Variants in C12orf43 observed in about 807,000 individuals in gnomAD.
C12orf43 encodes chromosome 12 open reading frame 43, also known as protein CUSTOS.
A neutral mutation model predicts 20.6 loss-of-function variants in C12orf43; 15 were observed. The observed-to-expected ratio is 0.73, with a 90% confidence interval of 0.49 to 1.12. The LOEUF (loss-of-function observed/expected upper bound fraction) is 1.12, where lower values mean the gene tolerates loss of function less well. Among genes scored for constraint, C12orf43 ranks in the 50% most tolerant of loss-of-function variants. C12orf43 has a pLI of 0.00. For missense variants in C12orf43, 334 were observed against 344.4 expected (o/e 0.97, Z 0.24); for synonymous variants, 144 against 130.8 (o/e 1.10, Z -0.69).
chr12:121,001,281 C>A lies in C12orf43; in HGVS notation c.*2872G>T, dbSNP rs562238054. On this transcript the variant is annotated 3_prime_UTR_variant, in exon 6 of 6. Coordinates refer to ENST00000288757, the MANE Select transcript of C12orf43 (RefSeq NM_022895.3). Reference sequence around the variant, plus strand: ...CCCTGCCTGGAGGACCTGAGCCTGCCGAGCAACCGTGGCCCTTCCTGGACA... The same window carrying A: ...CCCTGCCTGGAGGACCTGAGCCTGCAGAGCAACCGTGGCCCTTCCTGGACA... The A allele has an allele frequency of 7.6e-5, 115 of 1,513,040 alleles. 1 individual carries two copies. In the East Asian group the frequency reaches 2.2e-3, roughly 28 times the overall value. 93.7% of individuals were successfully genotyped at this position (1,513,040 alleles called of 1,614,324 possible). A position where few individuals can be genotyped will look rare whatever the true frequency, so the allele number is the denominator to read the frequency against.
chr12:121,010,025 G>A (rs1048037625), intron 3 of C12orf43, among the ~76,000 whole-genome samples: 3 of 152,192 alleles, frequency 2.0e-5, no homozygotes, highest in Admixed American at 1.3e-4. Context: ...GGCTTGGCCC[G>A]GCACAGTGGC....
In C12orf43 at chr12:121,004,099, T is replaced by G. The variant is rs1592905940; in HGVS notation, c.*54A>C. 6.4e-7 allele frequency: 1 copy of G among 1,559,694 alleles called. No homozygotes were observed. Among genetic ancestry groups the G allele is most frequent in the Non-Finnish European group, 8.8e-7 (1 of 1,130,724 alleles). The stretch of plus-strand genomic sequence containing the variant: ...GCTTGGAAATGCCTTGTCCCCAGGG[T>G]GGGGGGGACACCTTGTCCTTGGAGC... On this transcript the variant is annotated 3_prime_UTR_variant, in exon 6 of 6. Coordinates refer to ENST00000288757, the MANE Select transcript of C12orf43 (RefSeq NM_022895.3). The surrounding 1 kb of genome is among the most constrained non-coding windows in gnomAD (Gnocchi z 5.6).
intron 2 of C12orf43, 69 bp from the exon 3 acceptor site, chr12:121,010,995 T>C (rs755786668): frequency 1.3e-6 from 2 of 1,592,948 alleles, no homozygotes; most frequent in South Asian, 1.1e-5. Context: ...ACAGGGACCA[T>C]GTGTGTCTTG....
Position 121,012,615 on chromosome 12 carries a change from G to A in C12orf43, c.146-1469C>T. The A allele has an allele frequency of 8.5e-6, 5 of 588,878 alleles. No individual in the cohort carries two copies. In the South Asian group the frequency reaches 8.7e-5, roughly 10 times the overall value. 36.5% of individuals were successfully genotyped at this position (588,878 alleles called of 1,614,324 possible). On this transcript the variant is annotated intron_variant, in intron 1 of 5. Transcript: ENST00000288757. ...CGCCTGTAATCCCAGCACTTTGGGA[G>A]GCTGAGGCAGGCGGATCACGAGGTC...
At chr12:121,012,580 C>T (rs1045649381) in intron 1 of C12orf43, 32 of 672,236 alleles carry the variant, frequency 4.8e-5, no homozygotes, top group East Asian at 4.7e-4. Context: ...AGGCCGGGCG[C>T]GGTGGCTCAC....
rs1877558866 is a variant in C12orf43, at chr12:121,002,382, T to C, written c.*1771A>G. ...CTGCTGCTGAGAACCTGGCCTTCAG[T>C]GTACCGCGTCTACCCTGGGATTCAG... is the stretch of plus-strand genomic sequence containing the variant. On this transcript the variant is annotated 3_prime_UTR_variant, in exon 6 of 6. Transcript: ENST00000288757. The C allele has an allele frequency of 3.9e-6, 2 of 513,680 alleles. No individual in the cohort carries two copies. The highest frequency in any genetic ancestry group is 7.5e-6 in the Non-Finnish European group (2 of 267,376). The allele number at this position is 513,680 out of a possible 1,614,324, so 31.8% of individuals were successfully genotyped here. A position where few individuals can be genotyped will look rare whatever the true frequency, so the allele number is the denominator to read the frequency against.
In C12orf43 at chr12:121,005,014, G is replaced by A. The variant is rs1877868890; in HGVS notation, c.441C>T (p.Pro147=). Residue 147 remains proline, a synonymous_variant, in exon 5 of 6, where the codon CCC becomes CCT. Coordinates refer to ENST00000288757, the MANE Select transcript of C12orf43 (RefSeq NM_022895.3). This position sits in a 1 kb window ranked among gnomAD's most constrained non-coding sequence, Gnocchi z 5.6. ...ESPQPRRKRQ[P]SSSSEDSDEE... ...GTGTGAGTTCTCACCTGGAGCTGGA[G>A]GGCTGTCGCTTTCGGCGGGGTTGGG... 3 of 1,541,734 alleles carry A rather than the reference G, an allele frequency of 1.9e-6. No homozygotes were observed. Among genetic ancestry groups the A allele is most frequent in the East Asian group, 4.8e-5 (2 of 41,940 alleles).
chr12:121,008,427 G>A (rs1251912813), intron 3 of C12orf43, among the ~76,000 whole-genome samples: 3 of 152,204 alleles, frequency 2.0e-5, no homozygotes, highest in East Asian at 1.9e-4. Flanking sequence ...GAGCTGCCAC[G>A]CCTGGCCTAA....
At chr12:121,008,375 T>C (rs1324137393) in intron 3 of C12orf43, among the ~76,000 whole-genome samples, 1 of 152,192 alleles carries the variant, frequency 6.6e-6, no homozygotes, top group Non-Finnish European at 1.5e-5. Flanking sequence ...CCTCAAATGA[T>C]CCACCCGCTT....
Position 121,005,227 on chromosome 12 carries a change from CA to C in C12orf43, c.362-135del, listed in dbSNP as rs1056397271. 1.6e-3 allele frequency: 681 copies of C among 436,526 alleles called. No individual in the cohort carries two copies. The highest frequency in any genetic ancestry group is 2.3e-3 in the East Asian group (56 of 24,736). 27.0% of individuals were successfully genotyped at this position (436,526 alleles called of 1,614,324 possible). On this transcript the variant is annotated intron_variant, in intron 4 of 5. Transcript: ENST00000288757. This position sits in a 1 kb window ranked among gnomAD's most constrained non-coding sequence, Gnocchi z 5.6. The stretch of plus-strand genomic sequence containing the variant: ...GAAAGAAAGAAAAGATAAAGAGAAA[CA>C]AAAAAAAAATTTTAAGAAGACACAA...
chr12:121,013,238 C>A (rs548677172), intron 1 of C12orf43, among the ~76,000 whole-genome samples: 64 of 152,270 alleles, frequency 4.2e-4, no homozygotes, highest in African/African-American at 1.5e-3. Flanking sequence ...CCTGGTCTTT[C>A]GTCTTCAGCA....
intron 1 of C12orf43, among the ~76,000 whole-genome samples, chr12:121,013,939 T>G (rs923499345): frequency 3.3e-5 from 5 of 152,296 alleles, no homozygotes; most frequent in Admixed American, 2.0e-4. Context: ...GTGGCATTGC[T>G]GGGAAGATGA....
At chr12:121,009,234 C>G (rs542623347) in intron 3 of C12orf43, among the ~76,000 whole-genome samples, 2 of 152,238 alleles carry the variant, frequency 1.3e-5, no homozygotes, top group Non-Finnish European at 2.9e-5. Context: ...CACTTGAAGT[C>G]AGGAGTTCGA....
intron 4 of C12orf43, chr12:121,006,085 G>A: frequency 2.1e-6 from 1 of 470,256 alleles, no homozygotes; most frequent in Non-Finnish European, 3.8e-6. Context: ...GGGTGGTGGT[G>A]TGTGTCTGTG....
rs1470561987 is a variant in C12orf43, at chr12:121,004,387, C to T, written c.555G>A (p.Lys185=). The T allele has an allele frequency of 5.0e-6, 8 of 1,614,050 alleles. No individual in the cohort carries two copies. In the African/African-American group the frequency reaches 1.1e-4, roughly 22 times the overall value. ...TCAACTTCCTTTTCTTCTTTGCCTC[C>T]TTCTCCACTGTTCCAGGGCTGTGGA... ...SAIHSPGTVE[K]EAKKKRKLKK... is the part of the protein sequence containing the mutation. Residue 185 remains lysine, a synonymous_variant, in exon 6 of 6, where the codon AAG becomes AAA. Transcript: ENST00000288757. The surrounding 1 kb of genome is among the most constrained non-coding windows in gnomAD (Gnocchi z 5.6).
chr12:121,000,826 G>A lies in C12orf43; in HGVS notation c.*3327C>T, dbSNP rs1179356403. ...AACTACCTACCTCGGCATCTCACCG[G>A]GGCTTCTCCAGTGTTCACACTAAGA... On this transcript the variant is annotated 3_prime_UTR_variant, in exon 6 of 6. Coordinates refer to ENST00000288757, the MANE Select transcript of C12orf43 (RefSeq NM_022895.3). 1 of 556,760 alleles carries A rather than the reference G, an allele frequency of 1.8e-6. No homozygotes were observed. Among genetic ancestry groups the A allele is most frequent in the African/African-American group, 1.9e-5 (1 of 53,482 alleles). 34.5% of individuals were successfully genotyped at this position (556,760 alleles called of 1,614,324 possible). A position where few individuals can be genotyped will look rare whatever the true frequency, so the allele number is the denominator to read the frequency against.
chr12:121,004,414 G>A lies in C12orf43; in HGVS notation c.528C>T (p.Ala176=). Residue 176 remains alanine, a synonymous_variant, in exon 6 of 6, where the codon GCC becomes GCT. Transcript: ENST00000288757. The surrounding 1 kb of genome is among the most constrained non-coding windows in gnomAD (Gnocchi z 5.6). ...TCTCCACTGTTCCAGGGCTGTGGAT[G>A]GCTGACTCCTGTAGGATGTCGGACG... ...VSASDILQES[A]IHSPGTVEKE... is the part of the protein sequence containing the mutation. 1.9e-6 allele frequency: 3 copies of A among 1,613,932 alleles called. No homozygotes were observed. The highest frequency in any genetic ancestry group is 2.7e-5 in the African/African-American group (2 of 75,032).
intron 1 of C12orf43, among the ~76,000 whole-genome samples, chr12:121,015,010 T>C (rs1868773653): frequency 1.3e-5 from 2 of 151,832 alleles, no homozygotes; most frequent in South Asian, 2.1e-4. Context: ...AAGCAGTCCA[T>C]GTGGAAAGAC....
At chr12:121,006,289 A>C (rs756372946) in intron 4 of C12orf43, 32 bp downstream of exon 4, 1 of 1,576,774 alleles carries the variant, frequency 6.3e-7, no homozygotes, top group Non-Finnish European at 8.7e-7. Flanking sequence ...GTGCTTAATA[A>C]ATGATAGCTT....
Sources: gnomAD v4.1 joint callset for allele counts (sites outside exome capture counted in the v4.1 genomes callset) on GRCh38, gnomAD v4.1.1 for gene constraint, Gnocchi (gnomAD v3.1) non-coding constraint, MANE v1.5 for transcripts, NCBI Gene and HGNC (gene_info 2026-07-23, HGNC 2026-07-21) for gene names.